Variants in FRMPD4 observed in about 807,000 individuals in gnomAD.
FRMPD4 encodes FERM and PDZ domain-containing protein 4.
A neutral mutation model predicts 94.1 loss-of-function variants in FRMPD4; 22 were observed. The ratio of observed to expected loss-of-function variants is 0.23; its 90% CI spans 0.17 to 0.33. The LOEUF (loss-of-function observed/expected upper bound fraction) is 0.33. Ranked by LOEUF, FRMPD4 falls within the 10% of genes least tolerant of loss-of-function variation. The probability of loss-of-function intolerance (pLI) is 1.00; values close to 1 mark genes in which losing one functional copy is unlikely to be tolerated. For synonymous variants in FRMPD4, 631 were observed against 548.6 expected, an observed-to-expected ratio of 1.15 and a Z score of -2.10; for missense variants, 1,111 against 1,339.9, an observed-to-expected ratio of 0.83 and a Z score of 2.67.
intron 1 of FRMPD4, among the ~76,000 whole-genome samples, chrX:12,482,381 G>A (rs887681453): frequency 4.5e-5 from 5 of 112,330 alleles, no homozygotes; most frequent in African/African-American, 1.6e-4. Context: ...ATTAACTGTG[G>A]CTTAGGGAGA....
intron 4 of FRMPD4, among the ~76,000 whole-genome samples, chrX:12,647,006 G>A (rs1206178175): frequency 4.5e-5 from 5 of 111,827 alleles, no homozygotes; most frequent in Non-Finnish European, 7.5e-5. Flanking sequence ...CCAGGATAAC[G>A]TTATACATAG....
chrX:12,590,121 A>G (rs1054564545), intron 2 of FRMPD4, among the ~76,000 whole-genome samples: 2 of 112,402 alleles, frequency 1.8e-5, no homozygotes, highest in African/African-American at 6.4e-5. Flanking sequence ...AAAACAAGCA[A>G]TTTATTTCCA....
chrX:12,192,939 C>T (rs758146055), intron 1 of FRMPD4, among the ~76,000 whole-genome samples: 2 of 111,973 alleles, frequency 1.8e-5, no homozygotes, highest in Non-Finnish European at 3.8e-5. Context: ...GTATCACGTA[C>T]TTATCCAACT....
intron 3 of FRMPD4, among the ~76,000 whole-genome samples, chrX:12,036,915 C>T (rs957522030): frequency 1.8e-5 from 2 of 112,150 alleles, no homozygotes; most frequent in East Asian, 2.8e-4. Flanking sequence ...TTAATTTATA[C>T]GATTTATCTG....
intron 1 of FRMPD4, among the ~76,000 whole-genome samples, chrX:12,368,064 C>A (rs1044823888): frequency 7.2e-5 from 8 of 111,754 alleles, no homozygotes; most frequent in Non-Finnish European, 1.3e-4. Context: ...CAATCCATTG[C>A]AGAAGCCCTC....
At chrX:12,526,954 CT>C (rs1300253767) in intron 2 of FRMPD4, among the ~76,000 whole-genome samples, 1 of 111,340 alleles carries the variant, frequency 9.0e-6, no homozygotes, top group Non-Finnish European at 1.9e-5. Context: ...GCCCAGGAGT[CT>C]AAGCCCTAGA....
intron 2 of FRMPD4, among the ~76,000 whole-genome samples, chrX:12,523,182 G>T (rs140823860): frequency 0.019 from 2,092 of 112,090 alleles, 16 homozygotes; most frequent in Middle Eastern, 0.046. Context: ...CCCTTCATAA[G>T]ATATCCTGCT....
At position 12,228,323 on chromosome X, in the gene FRMPD4, T is replaced by A. The variant is rs774997221; in HGVS notation, c.41+89311T>A. On this transcript the variant is annotated intron_variant, in intron 1 of 16. Coordinates refer to ENST00000675598, the MANE Select transcript of FRMPD4 (RefSeq NM_001368397.1). ...TACTTTTGTATGACATTCATAAAAA[T>A]CTAAAAAACACTAATGTTTTAGAGA... Among the ~76,000 whole-genome samples, 3 of 112,526 alleles carry A rather than the reference T, an allele frequency of 2.7e-5. No individual in the cohort carries two copies. The South Asian group carries it at 1.1e-3, about 41-fold the overall frequency.
chrX:12,449,439 A>G (rs2057238766), intron 1 of FRMPD4, among the ~76,000 whole-genome samples: 1 of 112,210 alleles, frequency 8.9e-6, no homozygotes, highest in Non-Finnish European at 1.9e-5. Flanking sequence ...TCGTTTTTTC[A>G]GTAACTGAAA....
chrX:11,904,394 G>A (rs180879690), intron 3 of FRMPD4, among the ~76,000 whole-genome samples: 1 of 112,120 alleles, frequency 8.9e-6, no homozygotes, highest in African/African-American at 3.2e-5. Flanking sequence ...ATGGGTATAC[G>A]TCTCTTTCAT....
chrX:12,079,392 C>G (rs1438870034), intron 3 of FRMPD4, among the ~76,000 whole-genome samples: 1 of 110,861 alleles, frequency 9.0e-6, no homozygotes, highest in African/African-American at 3.3e-5. Flanking sequence ...TGAAGTTTTG[C>G]AACTTATATA....
intron 1 of FRMPD4, among the ~76,000 whole-genome samples, chrX:11,848,145 A>G (rs751348458): frequency 2.4e-4 from 27 of 110,877 alleles, no homozygotes; most frequent in African/African-American, 8.5e-4. Context: ...TAGACAATAT[A>G]TTATAGCCAC....
At chrX:12,294,747 C>G (rs1254085876) in intron 1 of FRMPD4, among the ~76,000 whole-genome samples, 1 of 111,233 alleles carries the variant, frequency 9.0e-6, no homozygotes, top group Non-Finnish European at 1.9e-5. Flanking sequence ...TGCTATATCC[C>G]CACTCCCTAG....
chrX:12,333,101 T>C (rs959985224), intron 1 of FRMPD4, among the ~76,000 whole-genome samples: 8 of 112,240 alleles, frequency 7.1e-5, no homozygotes, highest in Non-Finnish European at 1.3e-4. Flanking sequence ...CATTATATTA[T>C]CTACCTCATT....
chrX:12,387,889 G>C (rs1297237616), intron 1 of FRMPD4, among the ~76,000 whole-genome samples: 1 of 108,894 alleles, frequency 9.2e-6, no homozygotes, highest in Non-Finnish European at 1.9e-5. Flanking sequence ...ATGTCTGTGA[G>C]TGGTGTAATT....
At chrX:12,476,859 T>A (rs1183184370) in intron 1 of FRMPD4, among the ~76,000 whole-genome samples, 1 of 111,901 alleles carries the variant, frequency 8.9e-6, no homozygotes, top group Non-Finnish European at 1.9e-5. Context: ...ACTTTTACAC[T>A]GTTGGTGGGA....
chrX:12,326,523 TACA>T (rs1364131227), intron 1 of FRMPD4, among the ~76,000 whole-genome samples: 1 of 111,838 alleles, frequency 8.9e-6, no homozygotes, highest in African/African-American at 3.3e-5. Flanking sequence ...TTGCCAAATG[TACA>T]CAGGGGGATA....
chrX:11,920,710 A>G (rs1002981370), intron 3 of FRMPD4, among the ~76,000 whole-genome samples: 12 of 112,271 alleles, frequency 1.1e-4, no homozygotes, highest in African/African-American at 3.9e-4. Context: ...TCAAAGAGTT[A>G]ATGAAATCTG....
At chrX:12,465,653 A>G (rs1183694520) in intron 1 of FRMPD4, among the ~76,000 whole-genome samples, 2 of 112,193 alleles carry the variant, frequency 1.8e-5, no homozygotes, top group East Asian at 2.8e-4. Context: ...CACTTTTAAT[A>G]TTTAAAGATC....
Sources: allele counts gnomAD v4.1 joint callset (sites outside exome capture counted in the v4.1 genomes callset), GRCh38; gene constraint gnomAD v4.1.1; transcripts MANE v1.5; gene names NCBI Gene and HGNC (gene_info 2026-07-23, HGNC 2026-07-21).